Variants in MCTP1 observed in about 807,000 individuals in gnomAD.
MCTP1 encodes multiple C2 and transmembrane domain-containing protein 1.
In MCTP1, 69 loss-of-function variants were observed where a neutral mutation model predicts 120.6. The observed-to-expected ratio is 0.57, with a 90% CI of 0.47 to 0.70. MCTP1 has a LOEUF of 0.70. MCTP1 is among the 30% of genes least tolerant of loss of function. The pLI, the probability that MCTP1 is intolerant of heterozygous loss-of-function variation, is 0.00. For missense variants in MCTP1, 1,203 were observed against 1,248.8 expected, an observed-to-expected ratio of 0.96 and a Z score of 0.55; for synonymous variants, 529 against 493.1, an observed-to-expected ratio of 1.07 and a Z score of -0.96.
At chr5:95,211,972 C>G (rs942686600) in intron 1 of MCTP1, among the ~76,000 whole-genome samples, 2 of 151,964 alleles carry the variant, frequency 1.3e-5, no homozygotes, top group Non-Finnish European at 2.9e-5. Context: ...AAAGCAAGAG[C>G]AAACACATTC....
In MCTP1 at chr5:95,249,692, A is replaced by G. The variant is rs554981348; in HGVS notation, c.720+34164T>C. ...AAAGGATTATAACTCATGCTACTAT[A>G]AAGACTCTTGCACACGTATGTTTAC... On this transcript the variant is annotated intron_variant, in intron 1 of 22. Coordinates refer to ENST00000515393, the MANE Select transcript of MCTP1 (RefSeq NM_024717.7). Among the ~76,000 whole-genome samples the G allele has an allele frequency of 3.3e-4, 50 of 152,318 alleles. No homozygotes were observed. The South Asian group carries it at 4.4e-3, about 13-fold the overall frequency.
At chr5:94,750,173 T>G (rs1006986362) in intron 19 of MCTP1, among the ~76,000 whole-genome samples, 2 of 152,170 alleles carry the variant, frequency 1.3e-5, no homozygotes, top group Non-Finnish European at 2.9e-5. Flanking sequence ...TGCTATTGTT[T>G]ATGCCTAGGC....
At chr5:94,808,817 A>G (rs1485777799) in intron 17 of MCTP1, among the ~76,000 whole-genome samples, 1 of 152,164 alleles carries the variant, frequency 6.6e-6, no homozygotes, top group African/African-American at 2.4e-5. Context: ...TGTGACTTGA[A>G]TACATATACT....
intron 1 of MCTP1, among the ~76,000 whole-genome samples, chr5:95,278,958 G>A (rs144690545): frequency 7.0e-5 from 10 of 142,254 alleles, no homozygotes; most frequent in South Asian, 4.4e-4. Context: ...GCAAAACTCC[G>A]TCTCAAAAAA....
intron 1 of MCTP1, among the ~76,000 whole-genome samples, chr5:95,168,784 A>C (rs1329025949): frequency 6.6e-6 from 1 of 152,206 alleles, no homozygotes; most frequent in Non-Finnish European, 1.5e-5. Context: ...TTATCAGCTT[A>C]AGGAGATTTT....
At chr5:95,108,005 G>A (rs1206603521) in intron 1 of MCTP1, among the ~76,000 whole-genome samples, 2 of 152,188 alleles carry the variant, frequency 1.3e-5, no homozygotes, top group African/African-American at 4.8e-5. Flanking sequence ...TGACATGGCT[G>A]TATCAAAAGT....
intron 19 of MCTP1, among the ~76,000 whole-genome samples, chr5:94,716,388 T>C (rs1330425763): frequency 6.7e-6 from 1 of 149,174 alleles, no homozygotes; most frequent in African/African-American, 2.5e-5. Context: ...TTTCACACTC[T>C]CCAGTAAAAA....
At chr5:94,742,211 T>A (rs190824446) in intron 19 of MCTP1, among the ~76,000 whole-genome samples, 20 of 152,302 alleles carry the variant, frequency 1.3e-4, no homozygotes, top group African/African-American at 3.4e-4. Context: ...TAAATTTTTT[T>A]AAATTTTCTA....
At chr5:94,871,620 A>C (rs575904507) in intron 13 of MCTP1, among the ~76,000 whole-genome samples, 1 of 152,242 alleles carries the variant, frequency 6.6e-6, no homozygotes, top group East Asian at 1.9e-4. Flanking sequence ...TGGTTCTATT[A>C]TCTGTAACTT....
chr5:94,809,589 T>C (rs1015606247), intron 17 of MCTP1, among the ~76,000 whole-genome samples: 2 of 152,168 alleles, frequency 1.3e-5, no homozygotes, highest in Non-Finnish European at 2.9e-5. Context: ...ACACAGTTGA[T>C]GTTTTAATTT....
chr5:95,082,173 A>C (rs1755022922), intron 1 of MCTP1, among the ~76,000 whole-genome samples: 1 of 152,204 alleles, frequency 6.6e-6, no homozygotes, highest in South Asian at 2.1e-4. Context: ...TGTTTCCCAC[A>C]GAAATCCTTT....
At chr5:94,785,995 C>T (rs1777598903) in intron 18 of MCTP1, among the ~76,000 whole-genome samples, 1 of 151,950 alleles carries the variant, frequency 6.6e-6, no homozygotes, top group South Asian at 2.1e-4. Flanking sequence ...TATATGATTC[C>T]ATATATGGAA....
chr5:95,084,106 G>A (rs577825981), intron 1 of MCTP1, among the ~76,000 whole-genome samples: 3 of 152,222 alleles, frequency 2.0e-5, no homozygotes, highest in Non-Finnish European at 4.4e-5. Context: ...GTCTGGGAAA[G>A]GGATCTGAAG....
intron 19 of MCTP1, among the ~76,000 whole-genome samples, chr5:94,749,303 A>C (rs943946633): frequency 6.6e-6 from 1 of 152,178 alleles, no homozygotes; most frequent in African/African-American, 2.4e-5. Context: ...CCTGGCACTT[A>C]AGATATATGC....
chr5:94,904,977 T>C (rs554150876), intron 10 of MCTP1, among the ~76,000 whole-genome samples: 5 of 152,254 alleles, frequency 3.3e-5, no homozygotes, highest in African/African-American at 1.2e-4. Context: ...TGCCATATGG[T>C]GGTTGCTTTA....
intron 19 of MCTP1, among the ~76,000 whole-genome samples, chr5:94,754,054 A>C (rs1033592434): frequency 6.6e-6 from 1 of 152,248 alleles, no homozygotes; most frequent in Non-Finnish European, 1.5e-5. Flanking sequence ...GAGAGAGTTA[A>C]AGTGTATTGG....
intron 1 of MCTP1, among the ~76,000 whole-genome samples, chr5:95,115,857 T>C (rs1757792066): frequency 6.6e-6 from 1 of 152,038 alleles, no homozygotes; most frequent in South Asian, 2.1e-4. Context: ...CCAAAGATCA[T>C]GGGTAAAGAT....
intron 17 of MCTP1, among the ~76,000 whole-genome samples, chr5:94,819,151 T>C (rs1188921136): frequency 5.7e-5 from 7 of 122,970 alleles, no homozygotes; most frequent in Admixed American, 4.1e-4. Flanking sequence ...TCATTCGAGA[T>C]GGAGTCTCAC....
intron 1 of MCTP1, among the ~76,000 whole-genome samples, chr5:95,251,217 A>G (rs1170908659): frequency 6.6e-6 from 1 of 152,140 alleles, no homozygotes; most frequent in African/African-American, 2.4e-5. Context: ...GAAAGGGGCC[A>G]GCAATCAAAT....
Sources: allele counts gnomAD v4.1 joint callset (sites outside exome capture counted in the v4.1 genomes callset), GRCh38; gene constraint gnomAD v4.1.1; transcripts MANE v1.5; gene names NCBI Gene and HGNC (gene_info 2026-07-23, HGNC 2026-07-21).